The following TRAF7 variants were observed in gnomAD, a reference collection of about 807,000 sequenced individuals.
TRAF7 encodes the protein E3 ubiquitin-protein ligase TRAF7.
In TRAF7, 45 loss-of-function variants were observed where a neutral mutation model predicts 89.3. That is an observed-to-expected ratio of 0.50 (90% CI 0.40 to 0.65). The LOEUF (loss-of-function observed/expected upper bound fraction) is 0.65, where lower values mean the gene tolerates loss of function less well. Ranked by LOEUF, TRAF7 falls within the 30% of genes least tolerant of loss-of-function variation. The pLI is 0.00. For missense variants in TRAF7, 677 were observed against 918.1 expected (o/e 0.74, Z 3.39); for synonymous variants, 406 against 369.2 (o/e 1.10, Z -1.14).
chr16:2,171,694 A>G (rs2093111936), intron 7 of TRAF7, 89 bp downstream of exon 7: 2 of 1,592,678 alleles, frequency 1.3e-6, no homozygotes, highest in African/African-American at 1.3e-5. Flanking sequence ...TCCCCTGCAC[A>G]GCGTCCGGCC....
chr16:2,172,105 T>G lies in TRAF7; in HGVS notation c.476-86T>G, dbSNP rs1349182304. ...CCTCAGAGGCGCAGATGGACAGATC[T>G]GGCCCCCATTAGAGGCTCATGCCCA... On this transcript the variant is annotated intron_variant, in intron 7 of 20. Transcript: ENST00000326181. 15 of 1,528,624 alleles carry G rather than the reference T, an allele frequency of 9.8e-6. No homozygotes were observed. In the African/African-American group the frequency reaches 1.8e-4, roughly 18 times the overall value. The allele number at this position is 1,528,624 out of a possible 1,614,324, so 94.7% of individuals were successfully genotyped here.
At chr16:2,164,159 T>TGCGCGCGC (rs61245743) in intron 2 of TRAF7, among the ~76,000 whole-genome samples, 158 bp downstream of exon 2, 34 of 126,074 alleles carry the variant, frequency 2.7e-4, no homozygotes, top group African/African-American at 4.1e-4. Flanking sequence ...TGTGTGTGTG[T>TGCGCGCGC]GCGCGCGCGC....
chr16:2,166,027 G>C (rs2093085417), intron 3 of TRAF7, 91 bp downstream of exon 3: 1 of 1,532,302 alleles, frequency 6.5e-7, no homozygotes, highest in South Asian at 1.2e-5. Flanking sequence ...ACTTCCCGGT[G>C]AGCTGGTGTT....
At chr16:2,169,908 CAA>C (rs2093101365) in intron 4 of TRAF7, among the ~76,000 whole-genome samples, 1 of 152,314 alleles carries the variant, frequency 6.6e-6, no homozygotes, top group East Asian at 1.9e-4. Context: ...CCTCTGCAGT[CAA>C]AGCACCAGGA....
chr16:2,164,159 TGCGCGCGCGCGC>T lies in TRAF7; in HGVS notation c.81+169_81+180del, dbSNP rs61245743. 4.1e-3 allele frequency among the ~76,000 whole-genome samples: 522 copies of T among 126,132 alleles called. 8 individuals carry two copies. The highest frequency in any genetic ancestry group is 0.013 in the African/African-American group (427 of 32,166). The allele number at this position is 126,132 out of a possible 152,430, so 82.7% of individuals were successfully genotyped here. A position where few individuals can be genotyped will look rare whatever the true frequency, so the allele number is the denominator to read the frequency against. On this transcript the variant is annotated intron_variant, in intron 2 of 20. Coordinates refer to ENST00000326181, the MANE Select transcript of TRAF7 (RefSeq NM_032271.3). The stretch of plus-strand genomic sequence containing the variant: ...GGTGTGGTGTGTGTGTGTGTGTGTG[TGCGCGCGCGCGC>T]GCGCGCGCGCACGCGTGCGTGTGTG...
At position 2,163,268 on chromosome 16, in the gene TRAF7, C is replaced by T. The variant is rs539375983; in HGVS notation, c.-38-615C>T. On this transcript the variant is annotated intron_variant, in intron 1 of 20. Coordinates refer to ENST00000326181, the MANE Select transcript of TRAF7 (RefSeq NM_032271.3). The surrounding 1 kb of genome is among the most constrained non-coding windows in gnomAD (Gnocchi z 4.3). ...GGGTGACCTGCACGGGTTCCAGGGG[C>T]GGGCTCATCTCTCTCCTGTGCTTTT... 2.7e-4 allele frequency among the ~76,000 whole-genome samples: 41 copies of T among 152,300 alleles called. 1 individual carries two copies. The highest frequency in any genetic ancestry group is 1.4e-3 in the Admixed American group (22 of 15,302).
At chr16:2,173,859 T>TTGCCGCCCCCCCCCCCC in intron 12 of TRAF7, 23 bp downstream of exon 12, 1 of 1,246,258 alleles carries the variant, frequency 8.0e-7, no homozygotes, top group Non-Finnish European at 1.1e-6. Flanking sequence ...CCGCCGTGGC[T>TTGCCGCCCCCCCCCCCC]CCCGCCCACC....
Position 2,159,382 on chromosome 16 carries a change from G to A in TRAF7, c.-39+3524G>A, listed in dbSNP as rs1020551858. Among the ~76,000 whole-genome samples, 3 of 152,226 alleles carry A rather than the reference G, an allele frequency of 2.0e-5. No individual in the cohort carries two copies. Among genetic ancestry groups the A allele is most frequent in the African/African-American group, 7.2e-5 (3 of 41,456 alleles). The stretch of plus-strand genomic sequence containing the variant: ...TGAGGGGATCCTAAGGACCAAGGCT[G>A]GCAGAGGCCGGGGCACCCCAGGAGC... On this transcript the variant is annotated intron_variant, in intron 1 of 20. Transcript: ENST00000326181. This position sits in a 1 kb window ranked among gnomAD's most constrained non-coding sequence, Gnocchi z 6.5.
In TRAF7 at chr16:2,173,527, G is replaced by A; in HGVS notation, c.1059G>A (p.Glu353=). The A allele has an allele frequency of 6.2e-7, 1 of 1,613,404 alleles. No individual in the cohort carries two copies. Reference sequence around the variant, plus strand: ...GCAAGCTCAGCGAGGACCTCATGGAGTTCCGGCGGGACGCATCCATGTTAA... The same window carrying A: ...GCAAGCTCAGCGAGGACCTCATGGAATTCCGGCGGGACGCATCCATGTTAA... ...NQSKLSEDLM[E]FRRDASMLND... Residue 353 remains glutamate (E), a synonymous_variant, in exon 11 of 21, where the codon GAG becomes GAA. Coordinates refer to ENST00000326181, the MANE Select transcript of TRAF7 (RefSeq NM_032271.3).
intron 3 of TRAF7, among the ~76,000 whole-genome samples, chr16:2,166,547 G>A (rs1420624669): frequency 6.6e-6 from 1 of 152,068 alleles, no homozygotes; most frequent in African/African-American, 2.4e-5. Context: ...TGGGACCACA[G>A]GCACCACCAC....
chr16:2,160,681 G>A (rs1395817593), intron 1 of TRAF7, among the ~76,000 whole-genome samples: 2 of 152,106 alleles, frequency 1.3e-5, no homozygotes, highest in Admixed American at 1.3e-4. Flanking sequence ...TCCCGGTTTG[G>A]GAAGAGTCTC....
chr16:2,176,329 C>T lies in TRAF7; in HGVS notation c.1943C>T (p.Ala648Val), dbSNP rs778416555. 1.2e-6 allele frequency: 2 copies of T among 1,604,688 alleles called. No homozygotes were observed. The highest frequency in any genetic ancestry group is 1.7e-6 in the Non-Finnish European group (2 of 1,178,376). ...CTGCGTCACCAGGGCAGTGTCACCGCGCTGGCTGTGTCCCGGGGCCGACTC... is the reference window on the plus strand; with the variant it reads ...CTGCGTCACCAGGGCAGTGTCACCGTGCTGGCTGTGTCCCGGGGCCGACTC... ...TLLRHQGSVT[A>V]LAVSRGRLFS... is the part of the protein sequence containing the mutation. The change falls in exon 20 of 21, where the codon GCG becomes GTG. Residue 648 changes from alanine (A) to valine (V), a missense_variant. By Grantham distance (64) the Ala-to-Val change is moderately conservative. This residue lies in a region of TRAF7 where 23 missense variants were observed against 31.7 expected (regional missense o/e 0.73). Coordinates refer to ENST00000326181, the MANE Select transcript of TRAF7 (RefSeq NM_032271.3).
chr16:2,173,606 G>A (rs769246669), intron 11 of TRAF7, 52 bp downstream of exon 11: 22 of 1,600,476 alleles, frequency 1.4e-5, no homozygotes, highest in African/African-American at 4.0e-5. Context: ...GGAGGCCGGC[G>A]GCCCCGGCAG....
chr16:2,163,888 G>A lies in TRAF7; in HGVS notation c.-33G>A, dbSNP rs763803764. The A allele has an allele frequency of 2.5e-6, 4 of 1,598,086 alleles. No individual in the cohort carries two copies. Among genetic ancestry groups the A allele is most frequent in the South Asian group, 2.2e-5 (2 of 89,780 alleles). ...CATTTGTGCTCCACCCACAGGAGGTGCTTCCCAAGGACCGTAGATGCCTCT... is the reference window on the plus strand; with the variant it reads ...CATTTGTGCTCCACCCACAGGAGGTACTTCCCAAGGACCGTAGATGCCTCT... On this transcript the variant is annotated 5_prime_UTR_variant, in exon 2 of 21. Coordinates refer to ENST00000326181, the MANE Select transcript of TRAF7 (RefSeq NM_032271.3). The surrounding 1 kb of genome is among the most constrained non-coding windows in gnomAD (Gnocchi z 4.3).
Position 2,164,190 on chromosome 16 carries a change from G to A in TRAF7, c.81+189G>A, listed in dbSNP as rs148164318. Among the ~76,000 whole-genome samples, 578 of 145,218 alleles carry A rather than the reference G, an allele frequency of 4.0e-3. 5 individuals carry two copies. Among genetic ancestry groups the A allele is most frequent in the African/African-American group, 0.011 (415 of 38,978 alleles). ...CGCGCGCGCGCGCGCGCACGCGTGC[G>A]TGTGTGGTTGGGGCGTGTTAGTGCT... On this transcript the variant is annotated intron_variant, in intron 2 of 20. Transcript: ENST00000326181.
rs746588845 is a variant in TRAF7 at position 2,175,993 on chromosome 16, C to T, written c.1746+40C>T. ...TCTGGGTGCAAGGCCAGACTGTGGC[C>T]CCGTCTCCCCCGCCTTGCTCAGTGT... On this transcript the variant is annotated intron_variant, in intron 18 of 20. Coordinates refer to ENST00000326181, the MANE Select transcript of TRAF7 (RefSeq NM_032271.3). 3.8e-5 allele frequency: 62 copies of T among 1,611,748 alleles called. 1 individual carries two copies. In the South Asian group the frequency reaches 6.7e-4, roughly 17 times the overall value.
chr16:2,161,581 AGGGAGCTGAT>A lies in TRAF7; in HGVS notation c.-38-2298_-38-2289del, dbSNP rs1452207973. ...CTGGGGCCCCGGAAGCTTGCAGTAC[AGGGAGCTGAT>A]GGGTTTGTAAAATGCAGGTCAGTGT... On this transcript the variant is annotated intron_variant, in intron 1 of 20. Transcript: ENST00000326181. This position sits in a 1 kb window ranked among gnomAD's most constrained non-coding sequence, Gnocchi z 5.2. 1.3e-5 allele frequency among the ~76,000 whole-genome samples: 2 copies of A among 152,114 alleles called. No homozygotes were observed. The highest frequency in any genetic ancestry group is 2.9e-5 in the Non-Finnish European group (2 of 68,000).
chr16:2,170,611 C>T lies in TRAF7; in HGVS notation c.232-3C>T, dbSNP rs2093104960. ...CCCGACAGGCGCCTCTCCCTCCACA[C>T]AGCCCCCCATCAGCACTCCCCGCCG... On this transcript the variant is annotated splice_polypyrimidine_tract_variant and splice_region_variant and intron_variant, in intron 4 of 20. Transcript: ENST00000326181. 2 of 1,607,688 alleles carry T rather than the reference C, an allele frequency of 1.2e-6. No individual in the cohort carries two copies. Among genetic ancestry groups the T allele is most frequent in the South Asian group, 1.1e-5 (1 of 90,178 alleles).
Position 2,168,036 on chromosome 16 carries a change from G to T in TRAF7, c.140-41G>T. 1.3e-6 allele frequency: 2 copies of T among 1,591,896 alleles called. No homozygotes were observed. The highest frequency in any genetic ancestry group is 1.1e-5 in the South Asian group (1 of 90,586). On this transcript the variant is annotated intron_variant, in intron 3 of 20. Coordinates refer to ENST00000326181, the MANE Select transcript of TRAF7 (RefSeq NM_032271.3). This position sits in a 1 kb window ranked among gnomAD's most constrained non-coding sequence, Gnocchi z 4.1. Reference sequence around the variant, plus strand: ...GGGCCCCACCTCCCCCACATCTGCTGAGGGAGCCCCCACTGAGACGCCAGC... The same window carrying T: ...GGGCCCCACCTCCCCCACATCTGCTTAGGGAGCCCCCACTGAGACGCCAGC...
Sources: gnomAD v4.1 joint callset for allele counts (sites outside exome capture counted in the v4.1 genomes callset) on GRCh38, gnomAD v4.1.1 for gene constraint, gnomAD v4.1.1 regional missense constraint, Gnocchi (gnomAD v3.1) non-coding constraint, MANE v1.5 for transcripts, NCBI Gene and HGNC (gene_info 2026-07-23, HGNC 2026-07-21) for gene names.